ATP6V1C1: variants seen among roughly 807,000 people sequenced by gnomAD.
ATP6V1C1 encodes the protein V-type proton ATPase subunit C 1.
ATP6V1C1 carries 45 observed loss-of-function variants against 53.9 expected under a neutral mutation model. That is an observed-to-expected ratio of 0.83 (90% CI 0.66 to 1.07). The LOEUF is 1.07. Among genes scored for constraint, ATP6V1C1 ranks in the 50% least tolerant of loss-of-function variants. The probability of loss-of-function intolerance (pLI) is 0.00; values close to 1 mark genes in which losing one functional copy is unlikely to be tolerated. For synonymous variants in ATP6V1C1, 153 were observed against 155.2 expected (o/e 0.99, Z 0.11); for missense variants, 315 against 440.3 (o/e 0.72, Z 2.55).
Position 103,040,712 on chromosome 8 carries a change from T to C in ATP6V1C1, c.-39-86T>C, listed in dbSNP as rs1034958546. On this transcript the variant is annotated intron_variant, in intron 1 of 12. Coordinates refer to ENST00000518738, the MANE Select transcript of ATP6V1C1 (RefSeq NM_001695.5). Reference sequence around the variant, plus strand: ...ATTAGATTAGTTTTGAAACAGGTTATATGTTATAACTTCTCCTATGATTCT... The same window carrying C: ...ATTAGATTAGTTTTGAAACAGGTTACATGTTATAACTTCTCCTATGATTCT... 4.9e-6 allele frequency: 6 copies of C among 1,216,788 alleles called. No homozygotes were observed. In the Admixed American group the frequency reaches 1.1e-4, roughly 22 times the overall value. The allele number at this position is 1,216,788 out of a possible 1,614,324, so 75.4% of individuals were successfully genotyped here. A position where few individuals can be genotyped will look rare whatever the true frequency, so the allele number is the denominator to read the frequency against.
intron 1 of ATP6V1C1, among the ~76,000 whole-genome samples, chr8:103,025,918 T>C (rs111481036): frequency 2.6e-5 from 4 of 152,318 alleles, no homozygotes; most frequent in African/African-American, 7.2e-5. Context: ...ATACATTGTA[T>C]TGGAGATATC....
At chr8:103,063,837 A>G (rs1029209592) in intron 10 of ATP6V1C1, among the ~76,000 whole-genome samples, 3 of 152,154 alleles carry the variant, frequency 2.0e-5, no homozygotes, top group Non-Finnish European at 4.4e-5. Flanking sequence ...ATGAGTGAAA[A>G]TGTGTTTCTC....
chr8:103,065,666 G>A (rs938263958), intron 11 of ATP6V1C1, among the ~76,000 whole-genome samples: 1 of 152,154 alleles, frequency 6.6e-6, no homozygotes, highest in African/African-American at 2.4e-5. Flanking sequence ...AACTATATGT[G>A]GGTAACCTCA....
At position 103,070,498 on chromosome 8, in the gene ATP6V1C1, T is replaced by G. The variant is rs1817568081; in HGVS notation, c.*1751T>G. ...TGAAAGATTTTGCTATCAGAAAATT[T>G]TGGTTCTTTGTCTTTTGCACATGTT... On this transcript the variant is annotated 3_prime_UTR_variant, in exon 13 of 13. Transcript: ENST00000518738. 1 of 152,194 alleles carries G rather than the reference T, an allele frequency of 6.6e-6. No homozygotes were observed. The highest frequency in any genetic ancestry group is 1.5e-5 in the Non-Finnish European group (1 of 68,042). 9.4% of individuals were successfully genotyped at this position (152,194 alleles called of 1,614,324 possible).
In ATP6V1C1 at chr8:103,069,164, A is replaced by C. The variant is rs1817544866; in HGVS notation, c.*417A>C. 1 of 152,412 alleles carries C rather than the reference A, an allele frequency of 6.6e-6. No homozygotes were observed. Among genetic ancestry groups the C allele is most frequent in the Non-Finnish European group, 1.5e-5 (1 of 68,184 alleles). The allele number at this position is 152,412 out of a possible 1,614,324, so 9.4% of individuals were successfully genotyped here. On this transcript the variant is annotated 3_prime_UTR_variant, in exon 13 of 13. Transcript: ENST00000518738. ...AGACATAACTGTTGAATAGTTACTGAATCATGATGTAAAGAATATGTGACC... is the reference window on the plus strand; with the variant it reads ...AGACATAACTGTTGAATAGTTACTGCATCATGATGTAAAGAATATGTGACC...
At chr8:103,023,757 A>G (rs1816640875) in intron 1 of ATP6V1C1, among the ~76,000 whole-genome samples, 1 of 152,220 alleles carries the variant, frequency 6.6e-6, no homozygotes, top group Admixed American at 6.5e-5. Context: ...ACGTAAAGTG[A>G]TTTGGCTGAG....
At chr8:103,032,565 C>T (rs1369895682) in intron 1 of ATP6V1C1, among the ~76,000 whole-genome samples, 4 of 152,084 alleles carry the variant, frequency 2.6e-5, no homozygotes, top group African/African-American at 7.2e-5. Flanking sequence ...GCAACCTCCA[C>T]CTTTTGGGTT....
chr8:103,041,252 ACT>A (rs1816995458), intron 2 of ATP6V1C1, among the ~76,000 whole-genome samples: 1 of 152,118 alleles, frequency 6.6e-6, no homozygotes, highest in South Asian at 2.1e-4. Flanking sequence ...AGAAATTAAA[ACT>A]CTTAGTAATA....
chr8:103,051,271 C>A, intron 5 of ATP6V1C1, 127 bp downstream of exon 5: 1 of 661,982 alleles, frequency 1.5e-6, no homozygotes, highest in Admixed American at 3.1e-5. Context: ...AGAAGAAATC[C>A]TTACAACTTA....
At position 103,063,621 on chromosome 8, in the gene ATP6V1C1, CTT is replaced by C. The variant is rs1275366746; in HGVS notation, c.828+396_828+397del. Among the ~76,000 whole-genome samples, 13 of 152,234 alleles carry C rather than the reference CTT, an allele frequency of 8.5e-5. No homozygotes were observed. In the East Asian group the frequency reaches 2.3e-3, roughly 27 times the overall value. On this transcript the variant is annotated intron_variant, in intron 10 of 12. Coordinates refer to ENST00000518738, the MANE Select transcript of ATP6V1C1 (RefSeq NM_001695.5). ...AGTAACGAAGTTCTTTTCAGTAAGA[CTT>C]TTCACTTTCTTGAGGCAGATTTTTT...
chr8:103,035,504 A>T (rs1374065093), intron 1 of ATP6V1C1, among the ~76,000 whole-genome samples: 1 of 152,188 alleles, frequency 6.6e-6, no homozygotes, highest in East Asian at 1.9e-4. Flanking sequence ...GGAGAATACG[A>T]TGAGTGCGTA....
rs779971370 is a variant in ATP6V1C1, at chr8:103,072,346, CGAA to C, written c.*3603_*3605del. Reference sequence around the variant, plus strand: ...GTTTTTCTCCTTCATTCTCAGCTGTCGAAGAAATCAAAGTAGCATATGCACAAG... The same window carrying C: ...GTTTTTCTCCTTCATTCTCAGCTGTCGAAATCAAAGTAGCATATGCACAAG... On this transcript the variant is annotated 3_prime_UTR_variant, in exon 13 of 13. Coordinates refer to ENST00000518738, the MANE Select transcript of ATP6V1C1 (RefSeq NM_001695.5). 10 of 152,118 alleles carry C rather than the reference CGAA, an allele frequency of 6.6e-5. No homozygotes were observed. The highest frequency in any genetic ancestry group is 8.8e-5 in the Non-Finnish European group (6 of 68,000). 9.4% of individuals were successfully genotyped at this position (152,118 alleles called of 1,614,324 possible). A position where few individuals can be genotyped will look rare whatever the true frequency, so the allele number is the denominator to read the frequency against.
chr8:103,032,364 C>T (rs1459283424), intron 1 of ATP6V1C1, among the ~76,000 whole-genome samples: 4 of 152,228 alleles, frequency 2.6e-5, no homozygotes, highest in Non-Finnish European at 5.9e-5. Flanking sequence ...GCCAAGAACA[C>T]TAAGTGTTGG....
chr8:103,043,305 G>A (rs1046994070), intron 3 of ATP6V1C1, among the ~76,000 whole-genome samples: 4 of 147,692 alleles, frequency 2.7e-5, no homozygotes, highest in Non-Finnish European at 4.5e-5. Flanking sequence ...ATCCCAGGGG[G>A]TATGAGATAA....
At chr8:103,068,046 T>G (rs184835890) in intron 12 of ATP6V1C1, among the ~76,000 whole-genome samples, 3 of 152,322 alleles carry the variant, frequency 2.0e-5, no homozygotes, top group Admixed American at 2.0e-4. Flanking sequence ...AGTGGCATGG[T>G]TTTGGCTCAC....
intron 8 of ATP6V1C1, among the ~76,000 whole-genome samples, chr8:103,058,032 A>T (rs1329612795): frequency 6.6e-6 from 1 of 152,174 alleles, no homozygotes; most frequent in Non-Finnish European, 1.5e-5. Flanking sequence ...TGCACCCAGA[A>T]TGTCCTCCAG....
chr8:103,032,309 T>C (rs1163529978), intron 1 of ATP6V1C1, among the ~76,000 whole-genome samples: 1 of 152,116 alleles, frequency 6.6e-6, no homozygotes, highest in African/African-American at 2.4e-5. Flanking sequence ...ATCATGGAAA[T>C]GCAACATAAC....
chr8:103,058,727 A>G (rs985365645), intron 8 of ATP6V1C1, among the ~76,000 whole-genome samples: 2 of 152,270 alleles, frequency 1.3e-5, no homozygotes, highest in African/African-American at 4.8e-5. Context: ...TTTTCAATCT[A>G]TTCTTCTAAC....
intron 10 of ATP6V1C1, among the ~76,000 whole-genome samples, chr8:103,064,225 A>G (rs772268267): frequency 2.0e-5 from 3 of 152,170 alleles, no homozygotes; most frequent in Non-Finnish European, 2.9e-5. Context: ...TTAGATGTCT[A>G]GACCAACTCC....
Sources: allele counts gnomAD v4.1 joint callset (sites outside exome capture counted in the v4.1 genomes callset), GRCh38; gene constraint gnomAD v4.1.1; transcripts MANE v1.5; gene names NCBI Gene and HGNC (gene_info 2026-07-23, HGNC 2026-07-21).